Variants in RTL9 observed in about 807,000 individuals in gnomAD.
RTL9 encodes the protein retrotransposon Gag like 9, also known as retrotransposon Gag-like protein 9.
RTL9 carries 19 observed loss-of-function variants against 44.7 expected under a neutral mutation model. The observed-to-expected ratio is 0.42, with a 90% confidence interval of 0.30 to 0.62. RTL9 has a LOEUF of 0.62. RTL9 is among the 20% of genes least tolerant of loss of function. The pLI, the probability that RTL9 is intolerant of heterozygous loss-of-function variation, is 0.16. For missense variants in RTL9, 1,105 were observed against 1,080.6 expected (o/e 1.02, Z -0.32); for synonymous variants, 407 against 398.9 (o/e 1.02, Z -0.24).
At chrX:110,392,083 T>C (rs931956769) in intron 1 of RTL9, among the ~76,000 whole-genome samples, 4 of 111,906 alleles carry the variant, frequency 3.6e-5, no homozygotes, top group Non-Finnish European at 7.5e-5. Flanking sequence ...TTATGATCCA[T>C]GCTTGTATGA....
chrX:110,449,520 T>C (rs1430387855), upstream of RTL9, among the ~76,000 whole-genome samples: 4 of 112,678 alleles, frequency 3.5e-5, no homozygotes, highest in Admixed American at 9.3e-5. Flanking sequence ...TTCCAAGCCG[T>C]GTGTCCAAAA....
intron 1 of RTL9, chrX:110,439,902 A>G (rs976844425): frequency 1.8e-5 from 2 of 110,790 alleles, no homozygotes; most frequent in Non-Finnish European, 3.8e-5. Flanking sequence ...GTGCAGAAGA[A>G]TTTGGAACAG....
chrX:110,415,488 A>G (rs2068670752), upstream of RTL9, among the ~76,000 whole-genome samples: 1 of 111,398 alleles, frequency 9.0e-6, no homozygotes, highest in African/African-American at 3.3e-5. Context: ...TGTAGCAGAC[A>G]TTGTAGAAAT....
At chrX:110,373,802 A>G (rs769242572) in intron 1 of RTL9, among the ~76,000 whole-genome samples, 1 of 111,988 alleles carries the variant, frequency 8.9e-6, no homozygotes, top group Admixed American at 9.5e-5. Flanking sequence ...ACACCAAATA[A>G]ATAGGCCAGA....
chrX:110,451,543 C>T lies in RTL9; in HGVS notation c.926C>T (p.Ser309Leu), dbSNP rs199759157. The change falls in exon 1 of 2, where the codon TCG becomes TTG. Residue 309 changes from serine to leucine, a missense_variant. Coordinates refer to ENST00000540313, the Ensembl canonical transcript of RTL9. ...GATCTAGACTCTGGAATAATGTCAT[C>T]GCTTTTAATGTCATCTCCAGGCTCT... The T allele has an allele frequency of 8.3e-6, 10 of 1,211,659 alleles. No individual in the cohort carries two copies. Among genetic ancestry groups the T allele is most frequent in the Admixed American group, 6.5e-5 (3 of 46,061 alleles).
chrX:110,449,063 AG>A (rs781567205), upstream of RTL9, among the ~76,000 whole-genome samples: 3 of 110,259 alleles, frequency 2.7e-5, no homozygotes, highest in Non-Finnish European at 5.7e-5. Flanking sequence ...GGGGTTGTCC[AG>A]GCTGGAGACA....
chrX:110,361,131 C>G lies in RTL9; in HGVS notation c.-168+2215C>G, dbSNP rs779855797. 2.7e-5 allele frequency among the ~76,000 whole-genome samples: 3 copies of G among 110,934 alleles called. No individual in the cohort carries two copies. The East Asian group carries it at 8.5e-4, about 32-fold the overall frequency. ...CCACAACCCCCAACAAAACCTGCTG[C>G]ACTCACAAAACCTGCTCCTCACAGT... On this transcript the variant is annotated intron_variant, in intron 1 of 2. Transcript: ENST00000520821.
chrX:110,453,861 A>G, exon 1 of RTL9: 3 of 1,211,782 alleles, frequency 2.5e-6, no homozygotes, highest in Non-Finnish European at 3.4e-6. Flanking sequence ...CCCTGGAACA[A>G]TGTCCACACC....
intron 1 of RTL9, among the ~76,000 whole-genome samples, chrX:110,376,831 T>C (rs1372195805): frequency 3.6e-5 from 4 of 112,331 alleles, no homozygotes; most frequent in Non-Finnish European, 7.5e-5. Context: ...CAAATGTATC[T>C]GGCACTGGGT....
exon 1 of RTL9, chrX:110,453,311 C>T (rs745662226): frequency 3.6e-5 from 43 of 1,210,301 alleles, no homozygotes; most frequent in Non-Finnish European, 4.7e-5. Context: ...GAGGGGTGTC[C>T]TCACCACTAG....
At chrX:110,368,292 T>C (rs1028535416) in intron 1 of RTL9, among the ~76,000 whole-genome samples, 3 of 111,106 alleles carry the variant, frequency 2.7e-5, no homozygotes, top group Non-Finnish European at 3.8e-5. Flanking sequence ...GCCTTTTATA[T>C]TGTTCACAAT....
chrX:110,386,224 C>T (rs1391078079), intron 1 of RTL9, among the ~76,000 whole-genome samples: 1 of 111,191 alleles, frequency 9.0e-6, no homozygotes, highest in Non-Finnish European at 1.9e-5. Context: ...TCCAAAGAGC[C>T]TGCACTATTT....
chrX:110,453,650 T>A (rs1200878257), exon 1 of RTL9: 1 of 1,210,549 alleles, frequency 8.3e-7, no homozygotes, highest in African/African-American at 1.7e-5. Context: ...ATACCGTGTC[T>A]GGAAGGATGG....
chrX:110,453,158 G>A, exon 1 of RTL9: 1 of 1,210,208 alleles, frequency 8.3e-7, no homozygotes, highest in Non-Finnish European at 1.1e-6. Context: ...CAATGTCCAT[G>A]CCACTAACAA....
chrX:110,366,040 C>G (rs371674992), intron 1 of RTL9, among the ~76,000 whole-genome samples: 20 of 111,767 alleles, frequency 1.8e-4, no homozygotes, highest in African/African-American at 6.5e-4. Flanking sequence ...ACTGGCTCAG[C>G]TGCAGAATAG....
At chrX:110,423,661 A>G (rs1368197214) in intron 1 of RTL9, among the ~76,000 whole-genome samples, 3 of 112,368 alleles carry the variant, frequency 2.7e-5, no homozygotes, top group Non-Finnish European at 3.8e-5. Context: ...CAACTATTCC[A>G]TATGTGTCAG....
At chrX:110,454,223 C>G (rs1439145496) in exon 1 of RTL9, 1 of 1,210,182 alleles carries the variant, frequency 8.3e-7, no homozygotes. Flanking sequence ...GGTGGTTCAT[C>G]TTGCAAATGG....
At chrX:110,427,561 A>G (rs1367849148) in intron 1 of RTL9, among the ~76,000 whole-genome samples, 3 of 111,729 alleles carry the variant, frequency 2.7e-5, no homozygotes, top group Admixed American at 9.5e-5. Context: ...AAATGGAGGG[A>G]GCTTTTAAAA....
chrX:110,448,553 G>A (rs909241728), upstream of RTL9, among the ~76,000 whole-genome samples: 4 of 107,645 alleles, frequency 3.7e-5, no homozygotes, highest in Admixed American at 1.0e-4. Flanking sequence ...GTGCTAAGGC[G>A]GAGCTTCTGG....
Sources: gnomAD v4.1 joint callset for allele counts (sites outside exome capture counted in the v4.1 genomes callset) on GRCh38, gnomAD v4.1.1 for gene constraint, MANE v1.5 for transcripts, NCBI Gene and HGNC (gene_info 2026-07-23, HGNC 2026-07-21) for gene names.